LMTK2: variants seen among roughly 807,000 people sequenced by gnomAD.
The protein encoded by LMTK2 is serine/threonine-protein kinase LMTK2.
A neutral mutation model predicts 127.5 loss-of-function variants in LMTK2; 37 were observed. The observed-to-expected ratio is 0.29, with a 90% CI of 0.22 to 0.38. LMTK2 has a LOEUF of 0.38. Among genes scored for constraint, LMTK2 ranks in the 10% least tolerant of loss-of-function variants. The pLI, the probability that LMTK2 is intolerant of heterozygous loss-of-function variation, is 1.00. For missense variants in LMTK2, 1,694 were observed against 1,920.3 expected (o/e 0.88, Z 2.20); for synonymous variants, 819 against 810.1 (o/e 1.01, Z -0.19).
At position 98,194,198 on chromosome 7, in the gene LMTK2, A is replaced by G. The variant is rs757160740; in HGVS notation, c.3733A>G (p.Lys1245Glu). 13 of 1,613,856 alleles carry G rather than the reference A, an allele frequency of 8.1e-6. No homozygotes were observed. The Admixed American group carries it at 8.3e-5, about 10-fold the overall frequency. Reference sequence around the variant, plus strand: ...TGCCTACACCAATTCTGCGCTGGACAAGTCCCTGTCCAGCCACTCCGAGGG... The same window carrying G: ...TGCCTACACCAATTCTGCGCTGGACGAGTCCCTGTCCAGCCACTCCGAGGG... ...LLAYTNSALD[K>E]SLSSHSEGPK... The change falls in exon 11 of 14, where the codon AAG (lysine) becomes GAG (glutamate). Residue 1245 changes from lysine (K) to glutamate (E), a missense_variant. By Grantham distance (56) the Lys-to-Glu change is moderately conservative. Coordinates refer to ENST00000297293, the MANE Select transcript of LMTK2 (RefSeq NM_014916.4). The surrounding 1 kb of genome is among the most constrained non-coding windows in gnomAD (Gnocchi z 5.4).
At position 98,192,942 on chromosome 7, in the gene LMTK2, C is replaced by G. The variant is rs765961231; in HGVS notation, c.2477C>G (p.Pro826Arg). Residue 826 changes from proline (P) to arginine (R), a missense_variant, in exon 11 of 14, where the codon CCC (proline) becomes CGC (arginine). Physicochemically the swap from Pro to Arg is moderately radical, Grantham distance 103 (BLOSUM62 -2). Transcript: ENST00000297293. ...PPTSFETEET[P>R]RRVPPDSLPT... ...ACCTCCTTCGAAACAGAAGAAACGC[C>G]CCGTCGGGTACCCCCAGACTCACTC... 6.2e-7 allele frequency: 1 copy of G among 1,613,992 alleles called. No individual in the cohort carries two copies. The highest frequency in any genetic ancestry group is 8.5e-7 in the Non-Finnish European group (1 of 1,180,026).
At chr7:98,198,552 C>T (rs1164053149) in intron 11 of LMTK2, among the ~76,000 whole-genome samples, 4 of 151,990 alleles carry the variant, frequency 2.6e-5, no homozygotes, top group South Asian at 4.1e-4. Flanking sequence ...TGCAGTAGTG[C>T]GATCTCTGCT....
intron 6 of LMTK2, among the ~76,000 whole-genome samples, chr7:98,168,509 T>C (rs1797136882): frequency 1.3e-5 from 2 of 152,248 alleles, no homozygotes; most frequent in African/African-American, 4.8e-5. Context: ...TCAATAAAAT[T>C]ATTGAAGATT....
At chr7:98,134,410 G>A (rs777043580) in intron 1 of LMTK2, among the ~76,000 whole-genome samples, 16 of 152,142 alleles carry the variant, frequency 1.1e-4, no homozygotes, top group African/African-American at 1.7e-4. Context: ...ATCCAAATGC[G>A]TCTTTAAAAA....
chr7:98,148,492 CAAA>C (rs1202150647), intron 3 of LMTK2, among the ~76,000 whole-genome samples: 29 of 135,378 alleles, frequency 2.1e-4, no homozygotes, highest in Middle Eastern at 7.2e-3. Context: ...GACTCCGTCT[CAAA>C]AAAAAAAAAA....
intron 3 of LMTK2, 124 bp from the exon 4 acceptor site, chr7:98,151,258 G>T (rs577724959): frequency 3.0e-4 from 172 of 566,194 alleles, no homozygotes; most frequent in African/African-American, 2.9e-3. Context: ...TTTAAAAGAG[G>T]TGTTTTATGT....
chr7:98,107,595 C>G (rs1190762594), intron 1 of LMTK2, among the ~76,000 whole-genome samples: 2 of 152,216 alleles, frequency 1.3e-5, no homozygotes, highest in Non-Finnish European at 2.9e-5. Flanking sequence ...CCTGGCAGTT[C>G]AGCTTCCCTT....
Position 98,171,425 on chromosome 7 carries a change from AC to A in LMTK2, c.658-115del, listed in dbSNP as rs897470114. ...TGGGTTGGAACTTCTTTAAGTATGA[AC>A]AAAAGAAGTTTCTAATAAATAATCT... On this transcript the variant is annotated intron_variant, in intron 6 of 13. Coordinates refer to ENST00000297293, the MANE Select transcript of LMTK2 (RefSeq NM_014916.4). The surrounding 1 kb of genome is among the most constrained non-coding windows in gnomAD (Gnocchi z 5.1). The A allele has an allele frequency of 7.4e-7, 1 of 1,351,652 alleles. No individual in the cohort carries two copies. Among genetic ancestry groups the A allele is most frequent in the African/African-American group, 1.4e-5 (1 of 69,548 alleles). The allele number at this position is 1,351,652 out of a possible 1,614,324, so 83.7% of individuals were successfully genotyped here.
At position 98,205,516 on chromosome 7, in the gene LMTK2, G is replaced by A. The variant is rs756387796; in HGVS notation, c.*24G>A. On this transcript the variant is annotated 3_prime_UTR_variant, in exon 14 of 14. Transcript: ENST00000297293. ...AGGTGGCTGCCAACGCGCACGCTCG[G>A]GTCCGAGGCTGCTCCCCTGGAGCGG... 3.7e-6 allele frequency: 6 copies of A among 1,611,342 alleles called. No individual in the cohort carries two copies. Among genetic ancestry groups the A allele is most frequent in the Non-Finnish European group, 5.1e-6 (6 of 1,179,852 alleles).
At chr7:98,165,115 G>T (rs1797075192) in intron 6 of LMTK2, among the ~76,000 whole-genome samples, 1 of 152,208 alleles carries the variant, frequency 6.6e-6, no homozygotes, top group Non-Finnish European at 1.5e-5. Context: ...CTCATGAAGA[G>T]CGGTGACTTG....
intron 6 of LMTK2, among the ~76,000 whole-genome samples, chr7:98,163,188 T>G (rs1797040356): frequency 6.6e-6 from 1 of 152,096 alleles, no homozygotes; most frequent in South Asian, 2.1e-4. Flanking sequence ...GTTGAACAAG[T>G]TCTGGAGGGG....
At chr7:98,144,435 A>G (rs1584260738) in intron 3 of LMTK2, among the ~76,000 whole-genome samples, 2 of 151,080 alleles carry the variant, frequency 1.3e-5, no homozygotes, top group South Asian at 4.2e-4. Context: ...TCTGTCTCAA[A>G]AAAAAAAAAA....
In LMTK2 at chr7:98,205,728, G is replaced by A. The variant is rs1797783544; in HGVS notation, c.*236G>A. On this transcript the variant is annotated 3_prime_UTR_variant, in exon 14 of 14. Transcript: ENST00000297293. Reference sequence around the variant, plus strand: ...GCGTCCCTCAGTGCCCCGTGCACCCGCGGCCGCGGCCTCCCAGGCAGTGCT... The same window carrying A: ...GCGTCCCTCAGTGCCCCGTGCACCCACGGCCGCGGCCTCCCAGGCAGTGCT... 8 of 581,036 alleles carry A rather than the reference G, an allele frequency of 1.4e-5. No homozygotes were observed. Among genetic ancestry groups the A allele is most frequent in the South Asian group, 4.0e-5 (2 of 49,604 alleles). The allele number at this position is 581,036 out of a possible 1,614,324, so 36.0% of individuals were successfully genotyped here.
At chr7:98,109,865 T>C (rs1796174865) in intron 1 of LMTK2, among the ~76,000 whole-genome samples, 1 of 151,562 alleles carries the variant, frequency 6.6e-6, no homozygotes, top group Admixed American at 6.6e-5. Context: ...TTGACCAAGA[T>C]ATATTAGACC....
At chr7:98,164,070 CT>C (rs1269519956) in intron 6 of LMTK2, among the ~76,000 whole-genome samples, 1 of 152,176 alleles carries the variant, frequency 6.6e-6, no homozygotes, top group African/African-American at 2.4e-5. Context: ...ATTAACCAGC[CT>C]GTTTTTAAAA....
intron 4 of LMTK2, among the ~76,000 whole-genome samples, chr7:98,151,963 C>T (rs944053332): frequency 1.3e-5 from 2 of 151,886 alleles, no homozygotes; most frequent in Non-Finnish European, 2.9e-5. Flanking sequence ...ACAGACATTT[C>T]GATCATAACA....
intron 1 of LMTK2, among the ~76,000 whole-genome samples, chr7:98,111,752 G>A (rs1453338180): frequency 6.6e-6 from 1 of 152,330 alleles, no homozygotes; most frequent in East Asian, 1.9e-4. Flanking sequence ...GCTCAAAGTG[G>A]TAGCTGCGTA....
intron 6 of LMTK2, among the ~76,000 whole-genome samples, chr7:98,170,652 A>G (rs1797169555): frequency 1.3e-5 from 2 of 152,164 alleles, no homozygotes; most frequent in African/African-American, 2.4e-5. Flanking sequence ...GATTCGAGGA[A>G]ACTTTAATTT....
intron 9 of LMTK2, among the ~76,000 whole-genome samples, chr7:98,189,322 G>T (rs888272555): frequency 6.6e-6 from 1 of 152,072 alleles, no homozygotes; most frequent in African/African-American, 2.4e-5. Context: ...GTTTCCTTCC[G>T]CTCTCGCTGT....
Sources: allele counts gnomAD v4.1 joint callset (sites outside exome capture counted in the v4.1 genomes callset), GRCh38; gene constraint gnomAD v4.1.1; non-coding constraint Gnocchi (gnomAD v3.1); transcripts MANE v1.5; gene names NCBI Gene and HGNC (gene_info 2026-07-23, HGNC 2026-07-21).